Variants in ARHGAP26 observed in about 807,000 individuals in gnomAD.
The protein encoded by ARHGAP26 is Rho GTPase activating protein 26.
Under a neutral mutation model 104.8 loss-of-function variants are expected in ARHGAP26, and 38 were observed. The observed-to-expected ratio is 0.36, with a 90% CI of 0.28 to 0.48. The LOEUF (loss-of-function observed/expected upper bound fraction) is 0.48. Among genes scored for constraint, ARHGAP26 ranks in the 20% least tolerant of loss-of-function variants. ARHGAP26 has a pLI of 0.99. For missense variants in ARHGAP26, 704 were observed against 947.9 expected, an observed-to-expected ratio of 0.74 and a Z score of 3.38; for synonymous variants, 341 against 340.0, an observed-to-expected ratio of 1.00 and a Z score of -0.03.
At chr5:143,138,981 G>A (rs1201776697) in intron 19 of ARHGAP26, among the ~76,000 whole-genome samples, 1 of 152,152 alleles carries the variant, frequency 6.6e-6, no homozygotes, top group Admixed American at 6.6e-5. Context: ...TGGTTCCCCA[G>A]GAGATGCATT....
chr5:143,007,258 A>C (rs1778125431), intron 11 of ARHGAP26, among the ~76,000 whole-genome samples: 1 of 151,552 alleles, frequency 6.6e-6, no homozygotes, highest in African/African-American at 2.4e-5. Flanking sequence ...CGAGCATTCT[A>C]ATGTGTTCAA....
intron 2 of ARHGAP26, 164 bp from the exon 3 acceptor site, chr5:142,874,946 A>G: frequency 1.6e-6 from 1 of 614,716 alleles, no homozygotes; most frequent in South Asian, 2.0e-5. Context: ...GGTCATCCTT[A>G]ATGGTTAATG....
chr5:143,146,870 G>A (rs1799220679), intron 19 of ARHGAP26, among the ~76,000 whole-genome samples: 1 of 152,228 alleles, frequency 6.6e-6, no homozygotes, highest in Non-Finnish European at 1.5e-5. Flanking sequence ...AGGGGATCTG[G>A]GTGAATGTGA....
intron 11 of ARHGAP26, among the ~76,000 whole-genome samples, chr5:142,996,696 G>T (rs191880885): frequency 6.6e-6 from 1 of 152,208 alleles, no homozygotes; most frequent in East Asian, 1.9e-4. Flanking sequence ...GAGGTTAGGG[G>T]AAATTCCTAG....
intron 20 of ARHGAP26, among the ~76,000 whole-genome samples, chr5:143,151,536 A>G (rs892098173): frequency 6.6e-6 from 1 of 152,244 alleles, no homozygotes; most frequent in Non-Finnish European, 1.5e-5. Flanking sequence ...GTCTATCAGT[A>G]TGTGAAAATG....
intron 20 of ARHGAP26, among the ~76,000 whole-genome samples, chr5:143,186,093 A>G (rs7720909): frequency 0.049 from 7,519 of 152,296 alleles, 629 homozygotes; most frequent in African/African-American, 0.17. Flanking sequence ...CAAGAAAGCC[A>G]TTCTCAGAAG....
chr5:142,968,889 T>G (rs1771813595), intron 11 of ARHGAP26, among the ~76,000 whole-genome samples: 1 of 152,214 alleles, frequency 6.6e-6, no homozygotes, highest in Non-Finnish European at 1.5e-5. Context: ...TTGATTCCAT[T>G]ATCTTATGCC....
At chr5:143,179,913 A>G (rs1804056184) in intron 20 of ARHGAP26, among the ~76,000 whole-genome samples, 1 of 151,796 alleles carries the variant, frequency 6.6e-6, no homozygotes, top group African/African-American at 2.4e-5. Context: ...AAACCTCATG[A>G]CCCCTTTCAC....
At chr5:143,136,939 C>T (rs1037715009) in intron 19 of ARHGAP26, among the ~76,000 whole-genome samples, 1 of 152,208 alleles carries the variant, frequency 6.6e-6, no homozygotes, top group South Asian at 2.1e-4. Flanking sequence ...GGCCTCCTGA[C>T]ACACCTAGCT....
At chr5:143,133,925 T>C (rs1273630065) in intron 18 of ARHGAP26, 42 bp from the exon 19 acceptor site, 2 of 1,561,770 alleles carry the variant, frequency 1.3e-6, no homozygotes, top group Admixed American at 1.8e-5. Context: ...TTCTTCCCAG[T>C]CCACAGATGT....
intron 11 of ARHGAP26, among the ~76,000 whole-genome samples, chr5:142,949,461 G>A (rs753973890): frequency 2.0e-4 from 30 of 151,982 alleles, no homozygotes; most frequent in Non-Finnish European, 3.8e-4. Flanking sequence ...CTATTCTTTG[G>A]TTGGGGCCAA....
At chr5:142,966,060 G>A (rs1009997471) in intron 11 of ARHGAP26, among the ~76,000 whole-genome samples, 40 of 152,190 alleles carry the variant, frequency 2.6e-4, no homozygotes, top group African/African-American at 9.4e-4. Flanking sequence ...TTTGTAGCAT[G>A]CAGAATGGGA....
chr5:143,053,739 G>C (rs890944738), intron 14 of ARHGAP26, among the ~76,000 whole-genome samples: 5 of 152,146 alleles, frequency 3.3e-5, no homozygotes, highest in Admixed American at 6.5e-5. Context: ...AAATACAAAA[G>C]TAATGGAATA....
At chr5:142,895,233 T>TC (rs1759296188) in intron 6 of ARHGAP26, among the ~76,000 whole-genome samples, 1 of 152,114 alleles carries the variant, frequency 6.6e-6, no homozygotes, top group African/African-American at 2.4e-5. Flanking sequence ...TTTTCTTTTT[T>TC]CTTTTTTTTT....
At chr5:142,773,964 C>T (rs1755774749) in intron 1 of ARHGAP26, among the ~76,000 whole-genome samples, 1 of 152,132 alleles carries the variant, frequency 6.6e-6, no homozygotes, top group South Asian at 2.1e-4. Flanking sequence ...TAGAATTAAA[C>T]GTGGGCATTT....
Position 143,154,773 on chromosome 5 carries a change from G to A in ARHGAP26, c.1988+7392G>A, listed in dbSNP as rs902931337. Among the ~76,000 whole-genome samples the A allele has an allele frequency of 7.2e-5, 11 of 152,162 alleles. No homozygotes were observed. In the South Asian group the frequency reaches 1.7e-3, roughly 23 times the overall value. On this transcript the variant is annotated intron_variant, in intron 20 of 22. Transcript: ENST00000645722. ...GAATCCCACAGGGTACCTGATAATT[G>A]TGTGCATAGCTGTTATTTATTGAGA...
chr5:142,923,685 C>T (rs928404288), intron 10 of ARHGAP26, among the ~76,000 whole-genome samples: 2 of 152,050 alleles, frequency 1.3e-5, no homozygotes, highest in Admixed American at 6.6e-5. Flanking sequence ...CGATGTTTTA[C>T]GACTTCAGTC....
chr5:143,014,545 T>C (rs1300326583), intron 12 of ARHGAP26: 2 of 175,376 alleles, frequency 1.1e-5, no homozygotes, highest in South Asian at 2.9e-4. Context: ...GCAATAACTA[T>C]GTTAGGTGAT....
intron 17 of ARHGAP26, among the ~76,000 whole-genome samples, chr5:143,104,410 C>CA (rs1793697635): frequency 6.6e-6 from 1 of 152,076 alleles, no homozygotes; most frequent in South Asian, 2.1e-4. Flanking sequence ...ACCTGGGAGA[C>CA]AGAGGCAGGA....
Sources: allele counts gnomAD v4.1 joint callset (sites outside exome capture counted in the v4.1 genomes callset), GRCh38; gene constraint gnomAD v4.1.1; transcripts MANE v1.5; gene names NCBI Gene and HGNC (gene_info 2026-07-23, HGNC 2026-07-21).